The following FARS2 variants were observed in gnomAD, a reference collection of about 807,000 sequenced individuals.
FARS2 encodes phenylalanine--tRNA ligase, mitochondrial.
Under a neutral mutation model 46.4 loss-of-function variants are expected in FARS2, and 40 were observed. The ratio of observed to expected loss-of-function variants is 0.86; its 90% CI spans 0.67 to 1.12. FARS2 has a LOEUF of 1.12. Ranked by LOEUF, FARS2 falls within the 50% of genes most tolerant of loss-of-function variation. The pLI, the probability that FARS2 is intolerant of heterozygous loss-of-function variation, is 0.00. For missense variants in FARS2, 513 were observed against 567.9 expected (o/e 0.90, Z 0.98); for synonymous variants, 234 against 214.9 (o/e 1.09, Z -0.78).
At chr6:5,347,144 C>T (rs1324374643) in intron 1 of FARS2, among the ~76,000 whole-genome samples, 2 of 152,174 alleles carry the variant, frequency 1.3e-5, no homozygotes, top group Non-Finnish European at 2.9e-5. Flanking sequence ...GAACTCCTGA[C>T]CTCAGGTGAC....
chr6:5,267,078 T>G (rs1765595784), intron 1 of FARS2, among the ~76,000 whole-genome samples: 2 of 152,080 alleles, frequency 1.3e-5, no homozygotes, highest in Non-Finnish European at 2.9e-5. Context: ...TTCCCGTATT[T>G]GTGGGCAGTA....
chr6:5,560,726 A>G (rs1372138749), intron 5 of FARS2, among the ~76,000 whole-genome samples: 3 of 152,158 alleles, frequency 2.0e-5, no homozygotes, highest in Non-Finnish European at 4.4e-5. Context: ...TTAAATTACA[A>G]TTAAATTTTT....
At chr6:5,331,680 G>T (rs944605604) in intron 1 of FARS2, among the ~76,000 whole-genome samples, 3 of 152,154 alleles carry the variant, frequency 2.0e-5, no homozygotes, top group Non-Finnish European at 2.9e-5. Flanking sequence ...AGTCTGAAAG[G>T]CAGAGCGAGG....
chr6:5,625,864 G>A (rs995291671), intron 6 of FARS2, among the ~76,000 whole-genome samples: 1 of 152,212 alleles, frequency 6.6e-6, no homozygotes, highest in Non-Finnish European at 1.5e-5. Flanking sequence ...GTGGGACTGG[G>A]CTTGGAATCA....
intron 1 of FARS2, among the ~76,000 whole-genome samples, chr6:5,325,214 C>T (rs1770279952): frequency 6.6e-6 from 1 of 152,200 alleles, no homozygotes; most frequent in African/African-American, 2.4e-5. Context: ...CTCAAATCTA[C>T]TTTCTTTTCC....
At chr6:5,579,897 G>A (rs1773224663) in intron 5 of FARS2, among the ~76,000 whole-genome samples, 2 of 152,118 alleles carry the variant, frequency 1.3e-5, no homozygotes, top group South Asian at 4.1e-4. Context: ...ATTTGGATCA[G>A]TTACTCATTC....
At chr6:5,653,448 G>A (rs1229151939) in intron 6 of FARS2, among the ~76,000 whole-genome samples, 1 of 152,202 alleles carries the variant, frequency 6.6e-6, no homozygotes, top group Non-Finnish European at 1.5e-5. Context: ...TACATGGAAG[G>A]CGTTGGACCA....
At chr6:5,341,016 C>T (rs980345591) in intron 1 of FARS2, among the ~76,000 whole-genome samples, 25 of 150,856 alleles carry the variant, frequency 1.7e-4, no homozygotes, top group Admixed American at 9.3e-4. Context: ...GGCATGGTGA[C>T]GTGCGCCTGT....
chr6:5,261,012 C>A (rs1271472106), upstream of FARS2: 1 of 1,053,452 alleles, frequency 9.5e-7, no homozygotes, highest in Non-Finnish European at 1.2e-6. Context: ...ATCCCGCCCC[C>A]GCCCGGAGGC....
chr6:5,297,706 C>A (rs528547329), intron 1 of FARS2, among the ~76,000 whole-genome samples: 1 of 152,220 alleles, frequency 6.6e-6, no homozygotes, highest in Admixed American at 6.5e-5. Flanking sequence ...ACAACAACAA[C>A]GAAACTAAGC....
At chr6:5,456,878 G>A (rs1764917083) in intron 4 of FARS2, 1 of 152,096 alleles carries the variant, frequency 6.6e-6, no homozygotes, top group South Asian at 2.1e-4. Flanking sequence ...AGAAGGAAAG[G>A]ATATTCCTGT....
rs1554162028 is a variant in FARS2, at chr6:5,315,741, C to CCTTT, written c.-21-52792_-21-52789dup. On this transcript the variant is annotated intron_variant, in intron 1 of 6. Coordinates refer to ENST00000274680, the MANE Select transcript of FARS2 (RefSeq NM_006567.5). ...CTCTTTCTTTCTTTCTTTCTTTTTT[C>CCTTT]CTTTCTTTCTTTCTTTCTTTTTTTT... Among the ~76,000 whole-genome samples, 4 of 60,080 alleles carry CCTTT rather than the reference C, an allele frequency of 6.7e-5. No homozygotes were observed. In the South Asian group the frequency reaches 1.8e-3, roughly 26 times the overall value. 39.4% of individuals were successfully genotyped at this position (60,080 alleles called of 152,430 possible).
intron 4 of FARS2, among the ~76,000 whole-genome samples, chr6:5,500,747 TA>T: frequency 6.6e-6 from 1 of 151,914 alleles, no homozygotes; most frequent in East Asian, 1.9e-4. Flanking sequence ...TTTTTTTTTT[TA>T]AAGGAGAGGA....
intron 2 of FARS2, among the ~76,000 whole-genome samples, chr6:5,387,140 G>A (rs894355567): frequency 3.3e-5 from 5 of 152,150 alleles, no homozygotes; most frequent in South Asian, 2.1e-4. Flanking sequence ...TTGTTGGACC[G>A]TTTGTTTAAA....
At chr6:5,290,557 A>G (rs930574797) in intron 1 of FARS2, among the ~76,000 whole-genome samples, 1 of 152,242 alleles carries the variant, frequency 6.6e-6, no homozygotes. Context: ...AAATGTAGAA[A>G]GTAGCTCAGT....
intron 4 of FARS2, among the ~76,000 whole-genome samples, chr6:5,543,970 G>A (rs531596403): frequency 1.3e-5 from 2 of 151,952 alleles, no homozygotes; most frequent in South Asian, 4.2e-4. Flanking sequence ...CTTGCATGAG[G>A]AGCCTGGCTA....
the FARS2 span, among the ~76,000 whole-genome samples, chr6:5,251,878 A>G: frequency 6.6e-6 from 1 of 152,248 alleles, no homozygotes; most frequent in Non-Finnish European, 1.5e-5. Flanking sequence ...CCACTCCAGG[A>G]GCTCATGGTT....
intron 4 of FARS2, among the ~76,000 whole-genome samples, chr6:5,444,655 C>G (rs1191644151): frequency 6.6e-6 from 1 of 152,076 alleles, no homozygotes; most frequent in African/African-American, 2.4e-5. Flanking sequence ...AGAACAATGC[C>G]TAGCACATAG....
chr6:5,510,170 C>T (rs964616420), intron 4 of FARS2, among the ~76,000 whole-genome samples: 4 of 151,810 alleles, frequency 2.6e-5, no homozygotes, highest in Non-Finnish European at 5.9e-5. Flanking sequence ...TCTATTTAAA[C>T]AAAGATTTTG....
Sources: allele counts gnomAD v4.1 joint callset (sites outside exome capture counted in the v4.1 genomes callset), GRCh38; gene constraint gnomAD v4.1.1; transcripts MANE v1.5; gene names NCBI Gene and HGNC (gene_info 2026-07-23, HGNC 2026-07-21).